The following EIF4G1 variants were observed in gnomAD, a reference collection of about 807,000 sequenced individuals.
The protein encoded by EIF4G1 is EIF4-gamma.
EIF4G1 carries 4 observed loss-of-function variants against 187.8 expected under a neutral mutation model. The ratio of observed to expected loss-of-function variants is 0.02; its 90% CI spans 0.01 to 0.05. The LOEUF is 0.05. EIF4G1 is among the 10% of genes least tolerant of loss of function. EIF4G1 has a pLI of 1.00. For synonymous variants in EIF4G1, 844 were observed against 781.4 expected (o/e 1.08, Z -1.34); for missense variants, 1,647 against 2,081.1 (o/e 0.79, Z 4.06).
Position 184,321,338 on chromosome 3 carries a change from C to A in EIF4G1, c.754C>A (p.His252Asn). 1 of 1,614,166 alleles carries A rather than the reference C, an allele frequency of 6.2e-7. No individual in the cohort carries two copies. The highest frequency in any genetic ancestry group is 8.5e-7 in the Non-Finnish European group (1 of 1,180,026). ...CCGGCCAGGGCTGCCTGGCCCAGAG[C>A]ATAGCCCTTCAGAATCCCAGCCTTC... ...ADRPGLPGPEHSPSESQPSSP... is the reference protein window; with the variant it reads ...ADRPGLPGPENSPSESQPSSP... The change falls in exon 10 of 33, where the codon CAT becomes AAT. Residue 252 changes from histidine (H) to asparagine (N), a missense_variant. Transcript: ENST00000346169.
rs9819749 is a variant in EIF4G1 at position 184,328,770 on chromosome 3, G to A, written c.4079+14G>A. On this transcript the variant is annotated intron_variant, in intron 27 of 32. Coordinates refer to ENST00000346169, the MANE Select transcript of EIF4G1 (RefSeq NM_198241.3). ...GGAGCTGTTCAGGTAAGTCCCCCTGGGTGGAATTCAGGGGAGGTAAAGACC... is the reference window on the plus strand; with the variant it reads ...GGAGCTGTTCAGGTAAGTCCCCCTGAGTGGAATTCAGGGGAGGTAAAGACC... The A allele has an allele frequency of 1.6e-3, 2,621 of 1,614,138 alleles. 33 individuals carry two copies. The African/African-American group carries it at 0.03, about 18-fold the overall frequency.
In EIF4G1 at chr3:184,316,232, G is replaced by T; in HGVS notation, c.147+14G>T. On this transcript the variant is annotated intron_variant, in intron 4 of 32. Coordinates refer to ENST00000346169, the MANE Select transcript of EIF4G1 (RefSeq NM_198241.3). ...CAGCCCCGCCAGGTGAGGGGCTGTGGGGAGGGGAGTAGGGGACCTGGGTGG... is the reference window on the plus strand; with the variant it reads ...CAGCCCCGCCAGGTGAGGGGCTGTGTGGAGGGGAGTAGGGGACCTGGGTGG... 6.2e-7 allele frequency: 1 copy of T among 1,613,864 alleles called. No homozygotes were observed. Among genetic ancestry groups the T allele is most frequent in the Non-Finnish European group, 8.5e-7 (1 of 1,179,926 alleles).
chr3:184,317,672 A>C, intron 5 of EIF4G1, 45 bp from the exon 6 acceptor site: 5 of 1,568,800 alleles, frequency 3.2e-6, no homozygotes, highest in African/African-American at 1.4e-5. Context: ...TATGGAACTC[A>C]TAGCTCCCTC....
Position 184,323,359 on chromosome 3 carries a change from G to T in EIF4G1, c.2089-49G>T. On this transcript the variant is annotated intron_variant, in intron 14 of 32. Transcript: ENST00000346169. This position sits in a 1 kb window ranked among gnomAD's most constrained non-coding sequence, Gnocchi z 6.9. ...GCGTGTAGTAGTGGTGTCACATATT[G>T]TGCTGACTAGTTCCATGTCCCCTCT... is the stretch of plus-strand genomic sequence containing the variant. 6.2e-7 allele frequency: 1 copy of T among 1,613,312 alleles called. No individual in the cohort carries two copies. Among genetic ancestry groups the T allele is most frequent in the Non-Finnish European group, 8.5e-7 (1 of 1,179,580 alleles).
chr3:184,324,853 A>T, intron 17 of EIF4G1, 25 bp from the exon 18 acceptor site: 1 of 1,610,794 alleles, frequency 6.2e-7, no homozygotes, highest in Non-Finnish European at 8.5e-7. Context: ...TCTTTTTGAC[A>T]CAATCCCTGT....
rs1726640521 is a variant in EIF4G1 at position 184,334,011 on chromosome 3, G to A, written c.4619-716G>A. Among the ~76,000 whole-genome samples, 1 of 152,192 alleles carries A rather than the reference G, an allele frequency of 6.6e-6. No homozygotes were observed. The highest frequency in any genetic ancestry group is 2.4e-5 in the African/African-American group (1 of 41,436). ...GCATGCCCTGCAGAACATCCTGGCT[G>A]GCAGCATCTCATAGATGGCTTAGAA... On this transcript the variant is annotated intron_variant, in intron 32 of 32. Coordinates refer to ENST00000346169, the MANE Select transcript of EIF4G1 (RefSeq NM_198241.3). The surrounding 1 kb of genome is among the most constrained non-coding windows in gnomAD (Gnocchi z 5.8).
chr3:184,329,142 C>T (rs1725534792), intron 28 of EIF4G1, 152 bp downstream of exon 28: 1 of 868,924 alleles, frequency 1.2e-6, no homozygotes, highest in African/African-American at 1.7e-5. Flanking sequence ...TGAGGTGGGC[C>T]ATCTCCCGCA....
rs1038834559 is a variant in EIF4G1, at chr3:184,324,467, G to A, written c.2619+120G>A. 74 of 1,501,016 alleles carry A rather than the reference G, an allele frequency of 4.9e-5. No homozygotes were observed. In the South Asian group the frequency reaches 5.7e-4, roughly 12 times the overall value. The allele number at this position is 1,501,016 out of a possible 1,614,324, so 93.0% of individuals were successfully genotyped here. On this transcript the variant is annotated intron_variant, in intron 17 of 32. Transcript: ENST00000346169. The stretch of plus-strand genomic sequence containing the variant: ...TGTCTTGGGGATTTCTCTGGCTCAG[G>A]ACGTTTTTTTTCCTTTTTGAGACAG...
In EIF4G1 at chr3:184,315,822, G is replaced by GCCCGCCCCCCCC; in HGVS notation, c.29_30insGCCCCCCCCCCC (p.Pro12_Ala13insProProProPro). 1.9e-6 allele frequency: 3 copies of GCCCGCCCCCCCC among 1,544,498 alleles called. No homozygotes were observed. Among genetic ancestry groups the GCCCGCCCCCCCC allele is most frequent in the Non-Finnish European group, 2.6e-6 (3 of 1,140,804 alleles). On this transcript the variant is annotated inframe_insertion, in exon 3 of 33. Transcript: ENST00000346169. ...ATGAACAAAGCTCCACAGTCCACAG[G>GCCCGCCCCCCCC]CCCCCCACCCGCCCCATCCCCCGGA...
chr3:184,321,911 G>T lies in EIF4G1; in HGVS notation c.1327G>T (p.Ala443Ser). The T allele has an allele frequency of 1.9e-6, 3 of 1,614,180 alleles. No individual in the cohort carries two copies. The highest frequency in any genetic ancestry group is 2.5e-6 in the Non-Finnish European group (3 of 1,180,022). ...CCCCACCATCCCCTCTGCTACTCCA[G>T]CTACGGCTCCTTCAGCTACTTCCCC... ...APPTIPSATP[A>S]TAPSATSPAQ... Residue 443 changes from alanine to serine, a missense_variant, in exon 10 of 33, where the codon GCT (alanine) becomes TCT (serine). Physicochemically the swap from Ala to Ser is moderately conservative, Grantham distance 99 (BLOSUM62 1). Coordinates refer to ENST00000346169, the MANE Select transcript of EIF4G1 (RefSeq NM_198241.3).
chr3:184,331,277 G>T lies in EIF4G1; in HGVS notation c.4173G>T (p.Lys1391Asn). The change falls in exon 29 of 33, where the codon AAG becomes AAT. Residue 1391 changes from lysine to asparagine, a missense_variant. Coordinates refer to ENST00000346169, the MANE Select transcript of EIF4G1 (RefSeq NM_198241.3). ...GLLCKSMGPKKVGTLWREAGL... is the reference protein window; with the variant it reads ...GLLCKSMGPKNVGTLWREAGL... The stretch of plus-strand genomic sequence containing the variant: ...CTTGTGTTTTCCAGGGTCCTAAAAA[G>T]GTGGGGACGCTGTGGCGAGAAGCCG... The T allele has an allele frequency of 6.2e-7, 1 of 1,614,210 alleles. No homozygotes were observed.
Position 184,321,299 on chromosome 3 carries a change from G to A in EIF4G1, c.715G>A (p.Ala239Thr). The change falls in exon 10 of 33, where the codon GCA becomes ACA. Residue 239 changes from alanine to threonine, a missense_variant. Coordinates refer to ENST00000346169, the MANE Select transcript of EIF4G1 (RefSeq NM_198241.3). ...TGGTGCAGATGACCGGTCACAGGGA[G>A]CAATCATTGCTGACCGGCCAGGGCT... Reference protein sequence around the residue: ...IVRPDDRSQGAIIADRPGLPG... With the variant: ...IVRPDDRSQGTIIADRPGLPG... The A allele has an allele frequency of 6.2e-7, 1 of 1,614,156 alleles. No homozygotes were observed. Among genetic ancestry groups the A allele is most frequent in the Non-Finnish European group, 8.5e-7 (1 of 1,180,040 alleles).
In EIF4G1 at chr3:184,317,771, C is replaced by G; in HGVS notation, c.379C>G (p.Pro127Ala). ...TQQYPVQPGAPGFYPGASPTE... is the reference protein window; with the variant it reads ...TQQYPVQPGAAGFYPGASPTE... ...GCAGTACCCTGTGCAGCCAGGAGCC[C>G]CAGGCTTCTATCCAGGTGCAAGCCC... Residue 127 changes from proline (P) to alanine (A), a missense_variant, in exon 6 of 33, where the codon CCA (proline) becomes GCA (alanine). Around this residue, in one of 11 missense-constraint regions of EIF4G1, gnomAD observed 139 missense variants for 187.3 expected, o/e 0.74. Transcript: ENST00000346169. 2 of 1,614,158 alleles carry G rather than the reference C, an allele frequency of 1.2e-6. No individual in the cohort carries two copies. Among genetic ancestry groups the G allele is most frequent in the Non-Finnish European group, 1.7e-6 (2 of 1,180,024 alleles).
intron 1 of EIF4G1, 153 bp from the exon 2 acceptor site, chr3:184,315,336 G>C (rs750511748): frequency 3.9e-6 from 2 of 514,946 alleles, no homozygotes; most frequent in Non-Finnish European, 7.7e-6. Flanking sequence ...GCCCGAACCC[G>C]GTGTCCCCGG....
At position 184,325,696 on chromosome 3, in the gene EIF4G1, T is replaced by C. The variant is rs1300963426; in HGVS notation, c.3121+57T>C. ...AGTGAAGGGACCGGGAGGTTATACT[T>C]TCCTCTGATGACTTCCTGTTAGTGC... On this transcript the variant is annotated intron_variant, in intron 20 of 32. Transcript: ENST00000346169. This position sits in a 1 kb window ranked among gnomAD's most constrained non-coding sequence, Gnocchi z 5.2. 3.1e-6 allele frequency: 5 copies of C among 1,613,726 alleles called. No individual in the cohort carries two copies. Among genetic ancestry groups the C allele is most frequent in the Non-Finnish European group, 4.2e-6 (5 of 1,179,804 alleles).
chr3:184,326,580 C>T lies in EIF4G1; in HGVS notation c.3276C>T (p.Ser1092=). The part of the protein sequence containing the change: ...NQLFAPGGRL[S]WGKGSSGGSG... ...TCTTTGCACCTGGAGGGCGACTGAG[C>T]TGGGGCAAGGGCAGCAGCGGAGGCT... Residue 1092 remains serine, a synonymous_variant, in exon 22 of 33, where the codon AGC becomes AGT. Transcript: ENST00000346169. The T allele has an allele frequency of 6.2e-7, 1 of 1,613,132 alleles. No homozygotes were observed.
rs1272153665 is a variant in EIF4G1 at position 184,322,448 on chromosome 3, G to C, written c.1606G>C (p.Glu536Gln). The C allele has an allele frequency of 6.2e-7, 1 of 1,614,162 alleles. No homozygotes were observed. ...AVGDLLDAFK[E>Q]ANPAVPEVEN... is the part of the protein sequence containing the mutation. The stretch of plus-strand genomic sequence containing the variant: ...TGGAGACCTTCTGGATGCCTTCAAG[G>C]AGGTAAGGGAGCAGAAAATGGGAGG... Residue 536 changes from glutamate to glutamine, a missense_variant and splice_region_variant, in exon 11 of 33, where the codon GAG (glutamate) becomes CAG (glutamine). Transcript: ENST00000346169.
chr3:184,334,339 G>C lies in EIF4G1; in HGVS notation c.4619-388G>C, dbSNP rs1415499230. ...GTTGTCAGGATCTGTTTGGGGGGCA[G>C]TGAATGTTCAGGTTACATGTAGGAT... On this transcript the variant is annotated intron_variant, in intron 32 of 32. Coordinates refer to ENST00000346169, the MANE Select transcript of EIF4G1 (RefSeq NM_198241.3). The surrounding 1 kb of genome is among the most constrained non-coding windows in gnomAD (Gnocchi z 5.8). Among the ~76,000 whole-genome samples, 1 of 152,180 alleles carries C rather than the reference G, an allele frequency of 6.6e-6. No individual in the cohort carries two copies. Among genetic ancestry groups the C allele is most frequent in the African/African-American group, 2.4e-5 (1 of 41,432 alleles).
chr3:184,324,550 C>T (rs1202561953), intron 17 of EIF4G1, among the ~76,000 whole-genome samples: 1 of 152,190 alleles, frequency 6.6e-6, no homozygotes, highest in East Asian at 1.9e-4. Context: ...GCCTCCACCT[C>T]CTGAGTTCAA....
Sources: gnomAD v4.1 joint callset for allele counts (sites outside exome capture counted in the v4.1 genomes callset) on GRCh38, gnomAD v4.1.1 for gene constraint, gnomAD v4.1.1 regional missense constraint, Gnocchi (gnomAD v3.1) non-coding constraint, MANE v1.5 for transcripts, NCBI Gene and HGNC (gene_info 2026-07-23, HGNC 2026-07-21) for gene names.